The following SLC35F1 variants were observed in gnomAD, a reference collection of about 807,000 sequenced individuals.
SLC35F1 encodes solute carrier family 35 member F1, also known as chromosome 6 open reading frame 169.
SLC35F1 carries 14 observed loss-of-function variants against 48.7 expected under a neutral mutation model. The ratio of observed to expected loss-of-function variants is 0.29; its 90% confidence interval spans 0.19 to 0.45. The LOEUF (loss-of-function observed/expected upper bound fraction) is 0.45, where lower values mean the gene tolerates loss of function less well. SLC35F1 is among the 20% of genes least tolerant of loss of function. The probability of loss-of-function intolerance (pLI) is 1.00; values close to 1 mark genes in which losing one functional copy is unlikely to be tolerated. For missense variants in SLC35F1, 404 were observed against 500.0 expected, an observed-to-expected ratio of 0.81 and a Z score of 1.83; for synonymous variants, 190 against 202.2, an observed-to-expected ratio of 0.94 and a Z score of 0.51.
intron 1 of SLC35F1, chr6:117,998,843 C>G (rs902192640): frequency 1.8e-6 from 1 of 556,116 alleles, no homozygotes; most frequent in African/African-American, 1.9e-5. Context: ...AAAATTGACA[C>G]CCTAACATCA....
At chr6:118,128,373 G>A (rs1194852284) in intron 1 of SLC35F1, among the ~76,000 whole-genome samples, 4 of 146,434 alleles carry the variant, frequency 2.7e-5, no homozygotes, top group East Asian at 2.0e-4. Flanking sequence ...TATGTTTATT[G>A]TGGCACTATT....
chr6:118,188,513 G>A (rs1415317529), intron 2 of SLC35F1, among the ~76,000 whole-genome samples: 1 of 150,328 alleles, frequency 6.7e-6, no homozygotes, highest in Non-Finnish European at 1.5e-5. Context: ...CCGTGCCGTT[G>A]TACTCCAGCC....
At chr6:117,918,274 A>C (rs1775852621) in intron 1 of SLC35F1, among the ~76,000 whole-genome samples, 1 of 152,118 alleles carries the variant, frequency 6.6e-6, no homozygotes, top group African/African-American at 2.4e-5. Flanking sequence ...TGCTGTACTG[A>C]AGAGGGAAAA....
chr6:117,987,118 G>A (rs1157490346), intron 1 of SLC35F1, among the ~76,000 whole-genome samples: 1 of 152,104 alleles, frequency 6.6e-6, no homozygotes, highest in African/African-American at 2.4e-5. Flanking sequence ...GTTTGCCTCT[G>A]TCCTGCAGGA....
chr6:117,951,756 A>T (rs959584036), intron 1 of SLC35F1, among the ~76,000 whole-genome samples: 4 of 152,158 alleles, frequency 2.6e-5, no homozygotes, highest in Admixed American at 2.6e-4. Context: ...GTGTTCAAGG[A>T]CCCCACACTA....
chr6:118,314,293 A>G lies in SLC35F1; in HGVS notation c.*41A>G, dbSNP rs778052048. Reference sequence around the variant, plus strand: ...GCCAACTGAGGCCAACTCATTGGCCATGTTTTTGCCCATCATCTCTGTATT... The same window carrying G: ...GCCAACTGAGGCCAACTCATTGGCCGTGTTTTTGCCCATCATCTCTGTATT... On this transcript the variant is annotated 3_prime_UTR_variant, in exon 8 of 8. Coordinates refer to ENST00000360388, the MANE Select transcript of SLC35F1 (RefSeq NM_001029858.4). 1.3e-6 allele frequency: 2 copies of G among 1,563,552 alleles called. No individual in the cohort carries two copies. The highest frequency in any genetic ancestry group is 1.8e-6 in the Non-Finnish European group (2 of 1,135,040).
intron 2 of SLC35F1, among the ~76,000 whole-genome samples, chr6:118,193,737 A>G (rs1206832508): frequency 2.6e-5 from 4 of 152,182 alleles, no homozygotes; most frequent in Admixed American, 2.0e-4. Context: ...ACAGAAGTGC[A>G]GATAGGGTCT....
chr6:117,963,078 T>G (rs1414069624), intron 1 of SLC35F1, among the ~76,000 whole-genome samples: 1 of 152,156 alleles, frequency 6.6e-6, no homozygotes, highest in Non-Finnish European at 1.5e-5. Context: ...TTTGTAACAC[T>G]TGCCAATTTC....
intron 1 of SLC35F1, among the ~76,000 whole-genome samples, chr6:117,965,512 G>A (rs942409394): frequency 2.0e-5 from 3 of 152,174 alleles, no homozygotes; most frequent in African/African-American, 7.2e-5. Flanking sequence ...TGGCCTGGAG[G>A]CCCTCTCCAT....
Position 118,046,533 on chromosome 6 carries a change from C to T in SLC35F1, c.174-107912C>T, listed in dbSNP as rs141781217. Among the ~76,000 whole-genome samples, 996 of 152,222 alleles carry T rather than the reference C, an allele frequency of 6.5e-3. 4 individuals carry two copies. The highest frequency in any genetic ancestry group is 0.013 in the Admixed American group (199 of 15,270). On this transcript the variant is annotated intron_variant, in intron 1 of 7. Transcript: ENST00000360388. ...CGTTTGAGTTTCAGATCTAACACTT[C>T]ACAGCTTTGAGGTGAATGTACATAA...
At chr6:118,291,840 G>A (rs765081604) in intron 7 of SLC35F1, among the ~76,000 whole-genome samples, 4 of 152,150 alleles carry the variant, frequency 2.6e-5, no homozygotes, top group Admixed American at 6.5e-5. Context: ...TGATGTGGCT[G>A]GGCACGGTGG....
chr6:118,080,403 A>G (rs79427028), intron 1 of SLC35F1, among the ~76,000 whole-genome samples: 2 of 152,252 alleles, frequency 1.3e-5, no homozygotes, highest in East Asian at 1.9e-4. Context: ...GTGTCCTTCT[A>G]TTAGTATATG....
chr6:118,281,196 C>CTATA (rs1473388042), intron 6 of SLC35F1, among the ~76,000 whole-genome samples: 16 of 125,266 alleles, frequency 1.3e-4, no homozygotes, highest in African/African-American at 3.6e-4. Context: ...CTCTCTCTCT[C>CTATA]TCTCTCTCTA....
rs1311856210 is a variant in SLC35F1 at position 117,923,737 on chromosome 6, A to ATGTACATATGTACATATATGTATATG, written c.173+15839_173+15840insGTACATATGTACATATATGTATATGT. On this transcript the variant is annotated intron_variant, in intron 1 of 7. Transcript: ENST00000360388. ...TATATACATATATACATATGTATAT[A>ATGTACATATGTACATATATGTATATG]TACATATATGTACATATATACATAT... 1.2e-3 allele frequency among the ~76,000 whole-genome samples: 111 copies of ATGTACATATGTACATATATGTATATG among 93,150 alleles called. 11 individuals are homozygous for ATGTACATATGTACATATATGTATATG. The highest frequency in any genetic ancestry group is 6.1e-3 in the African/African-American group (105 of 17,248). 61.1% of individuals were successfully genotyped at this position (93,150 alleles called of 152,430 possible). A position where few individuals can be genotyped will look rare whatever the true frequency, so the allele number is the denominator to read the frequency against.
rs576456046 is a variant in SLC35F1, at chr6:118,167,789, T to C, written c.349+13169T>C. ...AAGTAATTTCATTATGATGTTATGA[T>C]AGCTATGACATCACTAGGCAGTAGG... is the stretch of plus-strand genomic sequence containing the variant. On this transcript the variant is annotated intron_variant, in intron 2 of 7. Transcript: ENST00000360388. 5.9e-5 allele frequency among the ~76,000 whole-genome samples: 9 copies of C among 152,258 alleles called. No individual in the cohort carries two copies. In the South Asian group the frequency reaches 1.9e-3, roughly 32 times the overall value.
At chr6:118,275,724 T>C (rs1775911390) in intron 5 of SLC35F1, 109 bp downstream of exon 5, 3 of 987,288 alleles carry the variant, frequency 3.0e-6, no homozygotes, top group East Asian at 5.2e-5. Flanking sequence ...AGACACCAGC[T>C]TCCTGTACAA....
At chr6:117,967,192 C>G (rs1176347078) in intron 1 of SLC35F1, among the ~76,000 whole-genome samples, 2 of 150,974 alleles carry the variant, frequency 1.3e-5, no homozygotes, top group South Asian at 2.1e-4. Flanking sequence ...TTAGAGCACA[C>G]AGAAAAAGGA....
At chr6:118,265,337 T>C (rs763425034) in intron 3 of SLC35F1, among the ~76,000 whole-genome samples, 4 of 152,210 alleles carry the variant, frequency 2.6e-5, no homozygotes, top group African/African-American at 4.8e-5. Context: ...ATAACTCTTA[T>C]TGAATACTCC....
intron 7 of SLC35F1, among the ~76,000 whole-genome samples, chr6:118,312,844 C>A (rs1384254825): frequency 6.6e-6 from 1 of 152,094 alleles, no homozygotes; most frequent in African/African-American, 2.4e-5. Context: ...GTTTTCCTTT[C>A]TTCCAACTTC....
Sources: allele counts gnomAD v4.1 joint callset (sites outside exome capture counted in the v4.1 genomes callset), GRCh38; gene constraint gnomAD v4.1.1; transcripts MANE v1.5; gene names NCBI Gene and HGNC (gene_info 2026-07-23, HGNC 2026-07-21).